SOX6: variants seen among roughly 807,000 people sequenced by gnomAD.
SOX6 encodes SRY-box transcription factor 6.
Under a neutral mutation model 97.8 loss-of-function variants are expected in SOX6, and 11 were observed. The ratio of observed to expected loss-of-function variants is 0.11; its 90% CI spans 0.07 to 0.19. The LOEUF is 0.19. SOX6 is among the 10% of genes least tolerant of loss of function. The probability of loss-of-function intolerance (pLI) is 1.00; values close to 1 mark genes in which losing one functional copy is unlikely to be tolerated. For missense variants in SOX6, 810 were observed against 1,039.5 expected (o/e 0.78, Z 3.04); for synonymous variants, 360 against 371.4 (o/e 0.97, Z 0.35).
At chr11:16,574,648 C>T (rs768899007) in intron 4 of SOX6, among the ~76,000 whole-genome samples, 13 of 151,898 alleles carry the variant, frequency 8.6e-5, no homozygotes, top group Admixed American at 8.5e-4. Flanking sequence ...CAAAAGATTC[C>T]ATAAAGTGAA....
intron 4 of SOX6, among the ~76,000 whole-genome samples, chr11:16,483,365 C>G (rs1590219469): frequency 6.6e-6 from 1 of 151,384 alleles, no homozygotes; most frequent in East Asian, 1.9e-4. Flanking sequence ...TTCAAGTTCA[C>G]AAAAGCACTT....
chr11:16,240,881 G>T lies in SOX6; in HGVS notation c.446-6210C>A, dbSNP rs551467138. Among the ~76,000 whole-genome samples the T allele has an allele frequency of 2.6e-5, 4 of 152,130 alleles. No homozygotes were observed. In the South Asian group the frequency reaches 8.3e-4, roughly 32 times the overall value. On this transcript the variant is annotated intron_variant, in intron 3 of 15. Transcript: ENST00000683767. ...GAGCCCTAACTACAGTGCAGTGCTT[G>T]TTTTGCTGACATGACTATTTAAATC... is the stretch of plus-strand genomic sequence containing the variant.
At chr11:16,721,800 G>A (rs1009220066) in intron 2 of SOX6, among the ~76,000 whole-genome samples, 6 of 151,432 alleles carry the variant, frequency 4.0e-5, no homozygotes, top group Non-Finnish European at 7.4e-5. Flanking sequence ...CACTTTTAGG[G>A]AGTTCTTTAT....
At chr11:16,011,990 T>A (rs767729410) in intron 13 of SOX6, among the ~76,000 whole-genome samples, 5 of 152,032 alleles carry the variant, frequency 3.3e-5, no homozygotes, top group Non-Finnish European at 7.4e-5. Context: ...CTTTCCTCAC[T>A]AGACCATATG....
chr11:16,036,046 T>A (rs2061696930), intron 12 of SOX6, among the ~76,000 whole-genome samples: 2 of 151,720 alleles, frequency 1.3e-5, no homozygotes, highest in South Asian at 4.2e-4. Context: ...TACTAAATGA[T>A]CTCTAAGGGC....
chr11:16,602,983 T>G (rs1298155979), intron 4 of SOX6, among the ~76,000 whole-genome samples: 1 of 151,736 alleles, frequency 6.6e-6, no homozygotes, highest in Admixed American at 6.6e-5. Context: ...ATCACGCCAT[T>G]GCACTCCAGC....
At chr11:16,442,774 C>T (rs1859530143) in intron 1 of SOX6, among the ~76,000 whole-genome samples, 1 of 152,142 alleles carries the variant, frequency 6.6e-6, no homozygotes. Flanking sequence ...CGTACAACTT[C>T]ATCATTTTAA....
chr11:16,415,147 C>T (rs773410066), intron 1 of SOX6, among the ~76,000 whole-genome samples: 1 of 151,874 alleles, frequency 6.6e-6, no homozygotes. Flanking sequence ...ATGGGAAGTA[C>T]GTTTGAATGT....
intron 1 of SOX6, among the ~76,000 whole-genome samples, chr11:16,455,466 G>A (rs909586669): frequency 9.2e-5 from 14 of 151,688 alleles, no homozygotes; most frequent in African/African-American, 3.1e-4. Flanking sequence ...ACTCTTCAAC[G>A]CAGAAAATCT....
chr11:16,640,232 A>G (rs150927852), intron 3 of SOX6, among the ~76,000 whole-genome samples: 2,255 of 152,218 alleles, frequency 0.015, 55 homozygotes, highest in African/African-American at 0.049. Flanking sequence ...GCGTATTTTG[A>G]ACCAGCCTTG....
At chr11:16,533,227 C>T (rs947909008) in intron 4 of SOX6, among the ~76,000 whole-genome samples, 1 of 151,724 alleles carries the variant, frequency 6.6e-6, no homozygotes, top group East Asian at 1.9e-4. Flanking sequence ...ATATCAGTAC[C>T]TTGCAATAGA....
chr11:16,036,838 G>C (rs943723722), intron 12 of SOX6, among the ~76,000 whole-genome samples: 2 of 152,148 alleles, frequency 1.3e-5, no homozygotes, highest in African/African-American at 4.8e-5. Flanking sequence ...GCTTCTCTGA[G>C]GAATCTAAAA....
chr11:16,603,166 G>C (rs181735251), intron 4 of SOX6, among the ~76,000 whole-genome samples: 21 of 152,322 alleles, frequency 1.4e-4, no homozygotes, highest in African/African-American at 4.8e-4. Flanking sequence ...TAGAAACAAG[G>C]GGGGAGGAGG....
chr11:16,529,828 G>T (rs1861214654), intron 4 of SOX6, among the ~76,000 whole-genome samples: 1 of 151,880 alleles, frequency 6.6e-6, no homozygotes, highest in Non-Finnish European at 1.5e-5. Context: ...ATCCAAAAGA[G>T]AAAAAAATCT....
Position 15,974,348 on chromosome 11 carries a change from C to CTTT in SOX6, c.2184-1239_2184-1237dup, listed in dbSNP as rs1453513755. Among the ~76,000 whole-genome samples, 639 of 82,782 alleles carry CTTT rather than the reference C, an allele frequency of 7.7e-3. 6 individuals carry two copies. The highest frequency in any genetic ancestry group is 0.054 in the South Asian group (124 of 2,284). 54.3% of individuals were successfully genotyped at this position (82,782 alleles called of 152,430 possible). Reference sequence around the variant, plus strand: ...AGAAGTAGCTTAGCTACCTGCCATTCTTTTTTTTGTTTTTTTCTGTTAGCT... The same window carrying CTTT: ...AGAAGTAGCTTAGCTACCTGCCATTCTTTTTTTTTTTGTTTTTTTCTGTTAGCT... On this transcript the variant is annotated intron_variant, in intron 15 of 15. Transcript: ENST00000683767.
intron 1 of SOX6, among the ~76,000 whole-genome samples, chr11:16,406,299 A>G (rs1590191166): frequency 6.6e-6 from 1 of 152,238 alleles, no homozygotes; most frequent in South Asian, 2.1e-4. Context: ...GGTTGTATCA[A>G]CTATATACAG....
intron 1 of SOX6, among the ~76,000 whole-genome samples, chr11:16,470,324 T>C (rs1377606047): frequency 2.6e-5 from 4 of 152,170 alleles, no homozygotes; most frequent in Non-Finnish European, 4.4e-5. Flanking sequence ...GACCTACTTG[T>C]CCTTAAAATC....
chr11:16,612,982 C>G (rs538283564), intron 3 of SOX6: 1 of 152,384 alleles, frequency 6.6e-6, no homozygotes, highest in South Asian at 2.1e-4. Context: ...ATTTCCCCCC[C>G]ACGATTGAAT....
At chr11:16,345,587 TACTC>T (rs1232920172) in intron 1 of SOX6, among the ~76,000 whole-genome samples, 3 of 152,064 alleles carry the variant, frequency 2.0e-5, no homozygotes, top group African/African-American at 4.8e-5. Flanking sequence ...ACTACAAACT[TACTC>T]AGACAGTAAA....
Sources: gnomAD v4.1 joint callset for allele counts (sites outside exome capture counted in the v4.1 genomes callset) on GRCh38, gnomAD v4.1.1 for gene constraint, MANE v1.5 for transcripts, NCBI Gene and HGNC (gene_info 2026-07-23, HGNC 2026-07-21) for gene names.